DOP1A: variants seen among roughly 807,000 people sequenced by gnomAD.
DOP1A encodes protein DOP1A.
DOP1A carries 90 observed loss-of-function variants against 267.6 expected under a neutral mutation model. The observed-to-expected ratio is 0.34, with a 90% CI of 0.28 to 0.40. DOP1A has a LOEUF of 0.40. DOP1A is among the 10% of genes least tolerant of loss of function. The pLI is 1.00. For missense variants in DOP1A, 2,437 were observed against 2,900.4 expected (o/e 0.84, Z 3.67); for synonymous variants, 932 against 999.1 (o/e 0.93, Z 1.27).
Position 83,129,260 on chromosome 6 carries a change from C to G in DOP1A, c.2093C>G (p.Ser698Cys). The G allele has an allele frequency of 6.2e-7, 1 of 1,612,890 alleles. No individual in the cohort carries two copies. Among genetic ancestry groups the G allele is most frequent in the East Asian group, 2.2e-5 (1 of 44,868 alleles). ...AACCTCTACATCATTCAGAATAACTCTTTTTCTCAGTCTTTGGCTACAGAA... is the reference window on the plus strand; with the variant it reads ...AACCTCTACATCATTCAGAATAACTGTTTTTCTCAGTCTTTGGCTACAGAA... ...LINLYIIQNN[S>C]FSQSLATEHQ... The change falls in exon 16 of 39, where the codon TCT becomes TGT. Residue 698 changes from serine to cysteine, a missense_variant. Transcript: ENST00000349129.
rs755124263 is a variant in DOP1A, at chr6:83,156,130, T to C, written c.6604+27T>C. On this transcript the variant is annotated intron_variant, in intron 34 of 38. Coordinates refer to ENST00000349129, the MANE Select transcript of DOP1A (RefSeq NM_015018.4). Reference sequence around the variant, plus strand: ...TAAAAAATGAAAAACCCTTTATTTTTTCTCTAACTACAGGTTTTTGGTTCC... The same window carrying C: ...TAAAAAATGAAAAACCCTTTATTTTCTCTCTAACTACAGGTTTTTGGTTCC... 14 of 1,582,918 alleles carry C rather than the reference T, an allele frequency of 8.8e-6. No individual in the cohort carries two copies. In the South Asian group the frequency reaches 1.3e-4, roughly 14 times the overall value.
At position 83,140,043 on chromosome 6, in the gene DOP1A, A is replaced by T; in HGVS notation, c.5164A>T (p.Thr1722Ser). The change falls in exon 22 of 39, where the codon ACT (threonine) becomes TCT (serine). Residue 1722 changes from threonine (T) to serine (S), a missense_variant. Thr to Ser is a moderately conservative substitution (Grantham distance 58). This residue lies in a region of DOP1A where 307 missense variants were observed against 308.6 expected (regional missense o/e 0.99). Coordinates refer to ENST00000349129, the MANE Select transcript of DOP1A (RefSeq NM_015018.4). ...ASIIPPDMILTLLEGITAIIH... is the reference protein window; with the variant it reads ...ASIIPPDMILSLLEGITAIIH... ...AATTATTCCACCAGATATGATTCTTACTCTTTTGGAAGGGATTACAGCCAT... is the reference window on the plus strand; with the variant it reads ...AATTATTCCACCAGATATGATTCTTTCTCTTTTGGAAGGGATTACAGCCAT... The T allele has an allele frequency of 6.2e-7, 1 of 1,613,468 alleles. No individual in the cohort carries two copies. The highest frequency in any genetic ancestry group is 8.5e-7 in the Non-Finnish European group (1 of 1,179,752).
Position 83,119,870 on chromosome 6 carries a change from T to C in DOP1A, c.990+13T>C. 1 of 1,592,830 alleles carries C rather than the reference T, an allele frequency of 6.3e-7. No homozygotes were observed. Among genetic ancestry groups the C allele is most frequent in the Non-Finnish European group, 8.6e-7 (1 of 1,161,790 alleles). ...ATTATTAGTCCAGGTAATGAATACT[T>C]TTATTATTCTTTGGTTACTTACTGA... On this transcript the variant is annotated intron_variant, in intron 9 of 38. Coordinates refer to ENST00000349129, the MANE Select transcript of DOP1A (RefSeq NM_015018.4).
chr6:83,109,166 A>G, intron 5 of DOP1A, 86 bp downstream of exon 5: 2 of 1,228,694 alleles, frequency 1.6e-6, no homozygotes, highest in Non-Finnish European at 2.3e-6. Context: ...TTAACATCAC[A>G]AATGAATTAT....
chr6:83,126,848 G>A (rs1394080609), intron 15 of DOP1A, among the ~76,000 whole-genome samples: 2 of 152,134 alleles, frequency 1.3e-5, no homozygotes, highest in Non-Finnish European at 2.9e-5. Flanking sequence ...CTGTGTAGGA[G>A]ACTGCAGTTT....
chr6:83,115,749 A>G (rs984790301), intron 7 of DOP1A, among the ~76,000 whole-genome samples: 1 of 152,156 alleles, frequency 6.6e-6, no homozygotes, highest in Non-Finnish European at 1.5e-5. Context: ...AGAATACAAT[A>G]CATTGCTAAC....
intron 1 of DOP1A, among the ~76,000 whole-genome samples, chr6:83,095,890 C>A (rs1771400080): frequency 6.6e-6 from 1 of 152,078 alleles, no homozygotes; most frequent in East Asian, 1.9e-4. Context: ...CTCCATAGGG[C>A]TCCTTGAAAG....
intron 7 of DOP1A, among the ~76,000 whole-genome samples, chr6:83,116,538 G>A (rs571221328): frequency 2.6e-5 from 4 of 151,970 alleles, no homozygotes; most frequent in Admixed American, 1.3e-4. Context: ...AGCCAGATGC[G>A]GTGGCTCACA....
intron 13 of DOP1A, 105 bp downstream of exon 13, chr6:83,124,924 T>C: frequency 9.7e-7 from 1 of 1,027,204 alleles, no homozygotes; most frequent in South Asian, 1.6e-5. Context: ...TAAAATTAAA[T>C]TGATTTTTTC....
At chr6:83,118,256 T>G (rs1775789501) in intron 7 of DOP1A, among the ~76,000 whole-genome samples, 1 of 152,086 alleles carries the variant, frequency 6.6e-6, no homozygotes, top group African/African-American at 2.4e-5. Context: ...TAAATTTACC[T>G]CTTTTAGCTA....
intron 38 of DOP1A, chr6:83,166,511 A>T (rs770558268): frequency 1.4e-6 from 1 of 696,824 alleles, no homozygotes; most frequent in Non-Finnish European, 2.6e-6. Flanking sequence ...TTTGTCTAAC[A>T]TCATTTCCAT....
At chr6:83,156,448 A>G (rs57148700) in intron 34 of DOP1A, among the ~76,000 whole-genome samples, 1,839 of 152,356 alleles carry the variant, frequency 0.012, 24 homozygotes, top group African/African-American at 0.037. Flanking sequence ...AGACCAAAAT[A>G]TAAGGCAAAG....
chr6:83,144,044 C>T (rs1173435198), intron 24 of DOP1A, among the ~76,000 whole-genome samples: 1 of 152,154 alleles, frequency 6.6e-6, no homozygotes, highest in African/African-American at 2.4e-5. Flanking sequence ...TAGTTTCAAC[C>T]CATAATTCTA....
intron 36 of DOP1A, among the ~76,000 whole-genome samples, chr6:83,159,195 C>T (rs985984442): frequency 6.6e-6 from 1 of 152,132 alleles, no homozygotes; most frequent in Admixed American, 6.5e-5. Context: ...AGAGAATTTT[C>T]TCATCCTTGC....
chr6:83,123,860 A>G lies in DOP1A; in HGVS notation c.1341-845A>G, dbSNP rs569808550. Among the ~76,000 whole-genome samples, 16 of 152,178 alleles carry G rather than the reference A, an allele frequency of 1.1e-4. No individual in the cohort carries two copies. In the East Asian group the frequency reaches 2.3e-3, roughly 22 times the overall value. Reference sequence around the variant, plus strand: ...GCCCTACCCTGGGTTTTTACCTTCTACATTCACAAATGCACACATCCACAC... The same window carrying G: ...GCCCTACCCTGGGTTTTTACCTTCTGCATTCACAAATGCACACATCCACAC... On this transcript the variant is annotated intron_variant, in intron 12 of 38. Transcript: ENST00000349129.
chr6:83,097,781 G>C (rs1331545503), intron 3 of DOP1A, among the ~76,000 whole-genome samples: 3 of 151,628 alleles, frequency 2.0e-5, no homozygotes, highest in African/African-American at 7.3e-5. Context: ...GTTATTGAAT[G>C]GGAGTGTTTC....
At chr6:83,139,950 G>A (rs527759504) in intron 21 of DOP1A, 50 bp from the exon 22 acceptor site, 17 of 1,273,060 alleles carry the variant, frequency 1.3e-5, no homozygotes, top group Non-Finnish European at 1.9e-5. Context: ...GATAAAATAT[G>A]AACTATACTA....
intron 1 of DOP1A, among the ~76,000 whole-genome samples, chr6:83,076,170 G>T (rs1767052202): frequency 6.6e-6 from 1 of 152,086 alleles, no homozygotes; most frequent in African/African-American, 2.4e-5. Flanking sequence ...TTTAAAATGG[G>T]CCAAGGACTT....
chr6:83,078,707 G>A (rs1175220402), intron 1 of DOP1A, among the ~76,000 whole-genome samples: 1 of 152,216 alleles, frequency 6.6e-6, no homozygotes, highest in Non-Finnish European at 1.5e-5. Context: ...AAAGTGAGGA[G>A]AGGTGTAGTA....
Sources: gnomAD v4.1 joint callset for allele counts (sites outside exome capture counted in the v4.1 genomes callset) on GRCh38, gnomAD v4.1.1 for gene constraint, gnomAD v4.1.1 regional missense constraint, MANE v1.5 for transcripts, NCBI Gene and HGNC (gene_info 2026-07-23, HGNC 2026-07-21) for gene names.